The following GALK2 variants were observed in gnomAD, a reference collection of about 807,000 sequenced individuals.
The protein encoded by GALK2 is galactokinase 2, also known as N-acetylgalactosamine kinase.
GALK2 carries 36 observed loss-of-function variants against 52.4 expected under a neutral mutation model. The ratio of observed to expected loss-of-function variants is 0.69; its 90% confidence interval spans 0.53 to 0.91. The LOEUF (loss-of-function observed/expected upper bound fraction) is 0.91, where lower values mean the gene tolerates loss of function less well. Among genes scored for constraint, GALK2 ranks in the 40% least tolerant of loss-of-function variants. The pLI is 0.00. For missense variants in GALK2, 579 were observed against 559.1 expected, an observed-to-expected ratio of 1.04 and a Z score of -0.36; for synonymous variants, 176 against 199.1, an observed-to-expected ratio of 0.88 and a Z score of 0.98.
At chr15:49,261,779 G>A (rs973770899) in intron 5 of GALK2, among the ~76,000 whole-genome samples, 1 of 152,168 alleles carries the variant, frequency 6.6e-6, no homozygotes, top group Non-Finnish European at 1.5e-5. Context: ...TAGCATGAAG[G>A]GTTGTTGAAT....
At chr15:49,185,379 T>C (rs2086270565) in intron 1 of GALK2, among the ~76,000 whole-genome samples, 1 of 152,362 alleles carries the variant, frequency 6.6e-6, no homozygotes, top group South Asian at 2.1e-4. Flanking sequence ...CAGTCTACCA[T>C]TGATAGGCAC....
At chr15:49,222,669 AT>A (rs946466301) in intron 3 of GALK2, among the ~76,000 whole-genome samples, 1 of 152,152 alleles carries the variant, frequency 6.6e-6, no homozygotes, top group Non-Finnish European at 1.5e-5. Context: ...TCTGTCCTTT[AT>A]TCTACTGATG....
chr15:49,184,233 CTCT>C (rs2086183457), intron 1 of GALK2, among the ~76,000 whole-genome samples: 1 of 151,668 alleles, frequency 6.6e-6, no homozygotes, highest in South Asian at 2.1e-4. Context: ...CCTTCTTTTT[CTCT>C]TCTTATAGTT....
At position 49,283,715 on chromosome 15, in the gene GALK2, G is replaced by A. The variant is rs771028607; in HGVS notation, c.753G>A (p.Ala251=). 1.4e-5 allele frequency: 23 copies of A among 1,613,652 alleles called. No homozygotes were observed. The highest frequency in any genetic ancestry group is 1.8e-5 in the Non-Finnish European group (21 of 1,179,800). Residue 251 remains alanine, a synonymous_variant, in exon 7 of 10, where the codon GCG becomes GCA. Transcript: ENST00000560031. ...GGGTGATGGAGTGTCGGCTGGCTGCGAAGGTATGAACTTGGCAGGCTAGTG... is the reference window on the plus strand; with the variant it reads ...GGGTGATGGAGTGTCGGCTGGCTGCAAAGGTATGAACTTGGCAGGCTAGTG... ...NIRVMECRLA[A]KLLAKYKSLQ...
intron 8 of GALK2, among the ~76,000 whole-genome samples, chr15:49,306,940 ACT>A (rs2035592484): frequency 6.6e-6 from 1 of 151,962 alleles, no homozygotes; most frequent in African/African-American, 2.4e-5. Flanking sequence ...TATTCAAGAC[ACT>A]CTATTAGGTT....
At chr15:49,198,661 T>C (rs1001283286) in intron 1 of GALK2, among the ~76,000 whole-genome samples, 1 of 152,190 alleles carries the variant, frequency 6.6e-6, no homozygotes, top group Non-Finnish European at 1.5e-5. Context: ...CTCTTGCCTA[T>C]TTAGTAATCA....
At chr15:49,355,378 T>C (rs544554595) in intron 3 of GALK2, among the ~76,000 whole-genome samples, 1 of 151,982 alleles carries the variant, frequency 6.6e-6, no homozygotes, top group Non-Finnish European at 1.5e-5. Context: ...GAATAACCAA[T>C]ACAGAGAACT....
chr15:49,296,239 T>C (rs1179170446), intron 8 of GALK2, among the ~76,000 whole-genome samples: 1 of 152,214 alleles, frequency 6.6e-6, no homozygotes, highest in Non-Finnish European at 1.5e-5. Context: ...GTGAGCATAG[T>C]ATCCAAAGGG....
intron 3 of GALK2, chr15:49,353,715 G>A (rs1434675452): frequency 6.6e-6 from 1 of 151,042 alleles, no homozygotes; most frequent in African/African-American, 2.4e-5. Flanking sequence ...GAAGGACTGA[G>A]GGAAAAAAGA....
intron 8 of GALK2, among the ~76,000 whole-genome samples, chr15:49,300,830 T>G (rs931039492): frequency 3.3e-5 from 5 of 152,306 alleles, no homozygotes; most frequent in Admixed American, 6.5e-5. Flanking sequence ...CTTTGTCAAT[T>G]AAACCTCTTT....
intron 8 of GALK2, among the ~76,000 whole-genome samples, chr15:49,296,725 G>A (rs1320955450): frequency 2.6e-5 from 4 of 151,920 alleles, no homozygotes; most frequent in Non-Finnish European, 5.9e-5. Context: ...ACAGCCTCCC[G>A]AGTAGCTGGG....
intron 3 of GALK2, among the ~76,000 whole-genome samples, chr15:49,351,045 C>T (rs115349473): frequency 2.7e-3 from 416 of 152,286 alleles, no homozygotes; most frequent in African/African-American, 8.8e-3. Context: ...CTCAACCATA[C>T]GCTGTGGTTT....
chr15:49,254,933 C>A (rs1382580696), intron 5 of GALK2, among the ~76,000 whole-genome samples: 1 of 143,906 alleles, frequency 6.9e-6, no homozygotes, highest in Non-Finnish European at 1.6e-5. Context: ...AGGCAATGAA[C>A]ATGTATGTCT....
chr15:49,191,069 G>A (rs2086689348), intron 1 of GALK2, among the ~76,000 whole-genome samples: 1 of 152,016 alleles, frequency 6.6e-6, no homozygotes, highest in African/African-American at 2.4e-5. Flanking sequence ...CTATAAAATA[G>A]AATAAGTGTT....
At chr15:49,364,460 C>G (rs1211530628) in intron 3 of GALK2, among the ~76,000 whole-genome samples, 2 of 151,912 alleles carry the variant, frequency 1.3e-5, no homozygotes, top group Non-Finnish European at 2.9e-5. Context: ...GTGGCAATGT[C>G]TTGTCATTTC....
chr15:49,299,379 A>G (rs915612797), intron 8 of GALK2, among the ~76,000 whole-genome samples: 8 of 151,898 alleles, frequency 5.3e-5, no homozygotes, highest in East Asian at 3.9e-4. Context: ...TTATGTCTCA[A>G]TTTCATTTGG....
chr15:49,270,167 C>A (rs2030231245), intron 5 of GALK2, among the ~76,000 whole-genome samples: 1 of 152,006 alleles, frequency 6.6e-6, no homozygotes, highest in Admixed American at 6.5e-5. Context: ...ATTATACAAT[C>A]CAAAATATTC....
At chr15:49,178,250 CTA>C (rs2085656797) in intron 1 of GALK2, 2 of 108,128 alleles carry the variant, frequency 1.8e-5, no homozygotes, top group South Asian at 3.0e-4. Flanking sequence ...ATAAATATGT[CTA>C]TATGTATAAA....
chr15:49,328,207 G>T lies in GALK2; in HGVS notation c.*48G>T, dbSNP rs1567071947. The T allele has an allele frequency of 6.4e-7, 1 of 1,562,426 alleles. No individual in the cohort carries two copies. ...AAACTACTTAGGGCACTTAGGAATT[G>T]GCAGGACTTTCTGTGCCACAGTAAA... On this transcript the variant is annotated 3_prime_UTR_variant, in exon 10 of 10. Coordinates refer to ENST00000560031, the MANE Select transcript of GALK2 (RefSeq NM_002044.4).
Sources: gnomAD v4.1 joint callset for allele counts (sites outside exome capture counted in the v4.1 genomes callset) on GRCh38, gnomAD v4.1.1 for gene constraint, MANE v1.5 for transcripts, NCBI Gene and HGNC (gene_info 2026-07-23, HGNC 2026-07-21) for gene names.